YAP1: variants seen among roughly 807,000 people sequenced by gnomAD.
YAP1 encodes Yes1 associated transcriptional regulator.
In YAP1, 5 loss-of-function variants were observed where a neutral mutation model predicts 56.9. The observed-to-expected ratio is 0.09, with a 90% confidence interval of 0.05 to 0.18. YAP1 has a LOEUF of 0.18. Ranked by LOEUF, YAP1 falls within the 10% of genes least tolerant of loss-of-function variation. The probability of loss-of-function intolerance (pLI) is 1.00; values close to 1 mark genes in which losing one functional copy is unlikely to be tolerated. For synonymous variants in YAP1, 265 were observed against 248.1 expected (o/e 1.07, Z -0.64); for missense variants, 539 against 651.8 (o/e 0.83, Z 1.88).
At chr11:102,206,425 A>G (rs1949122863) in intron 5 of YAP1, among the ~76,000 whole-genome samples, 1 of 152,258 alleles carries the variant, frequency 6.6e-6, no homozygotes, top group Non-Finnish European at 1.5e-5. Flanking sequence ...AAATTCTAGA[A>G]CATCACTCAG....
intron 4 of YAP1, 36 bp from the exon 5 acceptor site, chr11:102,205,857 T>C (rs756028490): frequency 4.1e-6 from 6 of 1,464,362 alleles, no homozygotes; most frequent in Non-Finnish European, 5.4e-6. Context: ...CTTCACTAGT[T>C]TTTTAGGACA....
chr11:102,123,186 A>ATAT (rs773684907), intron 2 of YAP1, among the ~76,000 whole-genome samples: 17 of 152,204 alleles, frequency 1.1e-4, no homozygotes, highest in Admixed American at 2.6e-4. Context: ...GCAGAGTCAT[A>ATAT]TAATGTACTA....
intron 2 of YAP1, among the ~76,000 whole-genome samples, chr11:102,161,169 T>TCCTG (rs1335981683): frequency 6.8e-6 from 1 of 146,844 alleles, no homozygotes; most frequent in Admixed American, 6.9e-5. Flanking sequence ...CTCGCCATTC[T>TCCTG]CCTGCCTCAG....
intron 6 of YAP1, among the ~76,000 whole-genome samples, chr11:102,219,604 T>C (rs948749322): frequency 6.6e-6 from 1 of 151,860 alleles, no homozygotes; most frequent in Non-Finnish European, 1.5e-5. Flanking sequence ...AAGTAGAAGA[T>C]AGAAAAGAAA....
At chr11:102,172,509 G>C (rs11225154) in intron 3 of YAP1, among the ~76,000 whole-genome samples, 1 of 135,276 alleles carries the variant, frequency 7.4e-6, no homozygotes, top group African/African-American at 2.7e-5. Flanking sequence ...AGAGACAAAA[G>C]GTGGGCATGG....
Position 102,151,015 on chromosome 11 carries a change from G to A in YAP1, c.573-11441G>A, listed in dbSNP as rs376721093. On this transcript the variant is annotated intron_variant, in intron 2 of 8. Transcript: ENST00000282441. ...AGGGTTTCACCATGTTGGCCAGGCT[G>A]GTCTCAAATGCCTGACCCCGTGGTT... Among the ~76,000 whole-genome samples the A allele has an allele frequency of 2.6e-5, 4 of 151,706 alleles. No homozygotes were observed. In the South Asian group the frequency reaches 8.3e-4, roughly 32 times the overall value.
intron 3 of YAP1, among the ~76,000 whole-genome samples, chr11:102,185,779 A>T (rs572120387): frequency 1.1e-3 from 170 of 151,598 alleles, no homozygotes; most frequent in Admixed American, 2.9e-3. Context: ...TTGGAAAAAA[A>T]TTTTTTTTCT....
intron 3 of YAP1, among the ~76,000 whole-genome samples, chr11:102,178,470 T>C (rs555097737): frequency 2.6e-5 from 4 of 152,302 alleles, no homozygotes; most frequent in African/African-American, 4.8e-5. Context: ...TGGTTTTAGT[T>C]AGTCATTACT....
At chr11:102,135,814 A>G (rs1944639922) in intron 2 of YAP1, among the ~76,000 whole-genome samples, 1 of 152,228 alleles carries the variant, frequency 6.6e-6, no homozygotes, top group Non-Finnish European at 1.5e-5. Flanking sequence ...AAATGAAGTG[A>G]TATCTGCAAA....
chr11:102,158,098 C>T (rs948737), intron 2 of YAP1, among the ~76,000 whole-genome samples: 59,177 of 151,930 alleles, frequency 0.39, 11,826 homozygotes, highest in African/African-American at 0.47. Context: ...CAGGTACAAA[C>T]GATTTAAGAT....
At chr11:102,211,654 T>C (rs1042962581) in intron 6 of YAP1, among the ~76,000 whole-genome samples, 17 of 152,274 alleles carry the variant, frequency 1.1e-4, no homozygotes, top group Admixed American at 9.8e-4. Flanking sequence ...ATTTTCTAAA[T>C]AACCTTAAGG....
At chr11:102,118,750 CA>C (rs11384976) in intron 2 of YAP1, among the ~76,000 whole-genome samples, 80 of 137,832 alleles carry the variant, frequency 5.8e-4, no homozygotes, top group African/African-American at 5.6e-4. Context: ...GACTCTATCT[CA>C]AAAAAAAAAA....
rs544091752 is a variant in YAP1, at chr11:102,205,982, A to G, written c.892A>G (p.Ser298Gly). 1 of 1,613,856 alleles carries G rather than the reference A, an allele frequency of 6.2e-7. No individual in the cohort carries two copies. The highest frequency in any genetic ancestry group is 1.7e-5 in the Admixed American group (1 of 60,012). Residue 298 changes from serine to glycine, a missense_variant, in exon 5 of 9, where the codon AGC becomes GGC. By Grantham distance (56) the Ser-to-Gly change is moderately conservative. Coordinates refer to ENST00000282441, the MANE Select transcript of YAP1 (RefSeq NM_001130145.3). ...CCCACAGGGAGGCGTCATGGGTGGC[A>G]GCAACTCCAACCAGCAGCAACAGAT... ...QSPQGGVMGGSNSNQQQQMRL... is the reference protein window; with the variant it reads ...QSPQGGVMGGGNSNQQQQMRL...
chr11:102,175,793 A>G (rs1947211061), intron 3 of YAP1, among the ~76,000 whole-genome samples: 1 of 152,166 alleles, frequency 6.6e-6, no homozygotes, highest in Non-Finnish European at 1.5e-5. Flanking sequence ...GCACTATAAC[A>G]TTACCTTATG....
chr11:102,115,056 G>T (rs1943195278), intron 2 of YAP1, among the ~76,000 whole-genome samples: 1 of 152,118 alleles, frequency 6.6e-6, no homozygotes. Flanking sequence ...AAACATGACC[G>T]TTGGGTTGTT....
chr11:102,204,282 C>G (rs797012210), intron 4 of YAP1, among the ~76,000 whole-genome samples: 11 of 151,186 alleles, frequency 7.3e-5, no homozygotes, highest in African/African-American at 2.7e-4. Context: ...AGTAGGACTT[C>G]TGTTGTCTTA....
At chr11:102,132,428 T>G (rs1225317204) in intron 2 of YAP1, among the ~76,000 whole-genome samples, 1 of 152,258 alleles carries the variant, frequency 6.6e-6, no homozygotes, top group Non-Finnish European at 1.5e-5. Flanking sequence ...TTTTTTTCAT[T>G]TTTTGAAAAA....
At chr11:102,193,661 C>G (rs1462144789) in intron 4 of YAP1, among the ~76,000 whole-genome samples, 1 of 152,054 alleles carries the variant, frequency 6.6e-6, no homozygotes, top group Non-Finnish European at 1.5e-5. Context: ...ACATTTTTAT[C>G]TTTCTTTACA....
chr11:102,204,344 G>A lies in YAP1; in HGVS notation c.803-1549G>A, dbSNP rs543416194. ...ACTCAACTTATGTAGAAATGGCTCAGTATTTTTTCAGCGCACACTTTGTGC... is the reference window on the plus strand; with the variant it reads ...ACTCAACTTATGTAGAAATGGCTCAATATTTTTTCAGCGCACACTTTGTGC... On this transcript the variant is annotated intron_variant, in intron 4 of 8. Transcript: ENST00000282441. Among the ~76,000 whole-genome samples, 6 of 152,228 alleles carry A rather than the reference G, an allele frequency of 3.9e-5. No homozygotes were observed. The South Asian group carries it at 1.2e-3, about 32-fold the overall frequency.
Sources: allele counts gnomAD v4.1 joint callset (sites outside exome capture counted in the v4.1 genomes callset), GRCh38; gene constraint gnomAD v4.1.1; transcripts MANE v1.5; gene names NCBI Gene and HGNC (gene_info 2026-07-23, HGNC 2026-07-21).